Variants in CLK3 observed in about 807,000 individuals in gnomAD.
CLK3 encodes CDC like kinase 3.
A neutral mutation model predicts 65.2 loss-of-function variants in CLK3; 24 were observed. That is an observed-to-expected ratio of 0.37 (90% CI 0.27 to 0.52). CLK3 has a LOEUF of 0.52. CLK3 is among the 20% of genes least tolerant of loss of function. The pLI is 0.92. For missense variants in CLK3, 506 were observed against 660.0 expected (o/e 0.77, Z 2.56); for synonymous variants, 252 against 240.8 (o/e 1.05, Z -0.43).
At chr15:74,619,951 TCTTG>T in intron 2 of CLK3, 54 bp from the exon 3 acceptor site, 1 of 1,610,268 alleles carries the variant, frequency 6.2e-7, no homozygotes, top group Middle Eastern at 1.7e-4. Flanking sequence ...ACCACAGGTC[TCTTG>T]CTTGCTAACA....
chr15:74,613,770 T>C (rs1292199745), upstream of CLK3, among the ~76,000 whole-genome samples: 1 of 151,986 alleles, frequency 6.6e-6, no homozygotes. Context: ...CCTGGAGCCA[T>C]GGAAACTCAG....
Position 74,629,709 on chromosome 15 carries a change from T to C in CLK3, c.1299T>C (p.Ser433=), listed in dbSNP as rs540062345. The C allele has an allele frequency of 1.2e-6, 2 of 1,609,876 alleles. No individual in the cohort carries two copies. The highest frequency in any genetic ancestry group is 2.2e-5 in the East Asian group (1 of 44,814). Residue 433 remains serine (S), a splice_region_variant and synonymous_variant, in exon 13 of 13, where the codon AGT becomes AGC. Coordinates refer to ENST00000395066, the MANE Select transcript of CLK3 (RefSeq NM_001130028.2). ...AGGCACCTTGTGTCCCTGAGCAGAG[T>C]TACATGCTCCAAGACTCCCTGGAGC... ...YVKENCKPLK[S]YMLQDSLEHV...
chr15:74,629,762 G>T lies in CLK3; in HGVS notation c.1352G>T (p.Arg451Met). 6.2e-7 allele frequency: 1 copy of T among 1,613,680 alleles called. No individual in the cohort carries two copies. The highest frequency in any genetic ancestry group is 8.5e-7 in the Non-Finnish European group (1 of 1,179,770). The change falls in exon 13 of 13, where the codon AGG becomes ATG. Residue 451 changes from arginine to methionine, a missense_variant. Physicochemically the swap from Arg to Met is moderately conservative, Grantham distance 91. Coordinates refer to ENST00000395066, the MANE Select transcript of CLK3 (RefSeq NM_001130028.2). ...GTGCAGCTGTTTGACCTGATGAGGAGGATGTTAGAATTTGACCCTGCCCAG... is the reference window on the plus strand; with the variant it reads ...GTGCAGCTGTTTGACCTGATGAGGATGATGTTAGAATTTGACCCTGCCCAG... ...EHVQLFDLMR[R>M]MLEFDPAQRI...
Position 74,627,421 on chromosome 15 carries a change from T to G in CLK3, c.887T>G (p.Phe296Cys), listed in dbSNP as rs1164045483. ...AACATCCTGTTTGTGAATTCTGAGT[T>G]TGAAACCCTCTACAATGAGCACAAG... ...PENILFVNSE[F>C]ETLYNEHKSC... The change falls in exon 8 of 13, where the codon TTT (phenylalanine) becomes TGT (cysteine). Residue 296 changes from phenylalanine (F) to cysteine (C), a missense_variant. By Grantham distance (205) the Phe-to-Cys change is radical (BLOSUM62 -2). This residue lies in a region of CLK3 where 325 missense variants were observed against 500.5 expected (regional missense o/e 0.65). Transcript: ENST00000395066. This position sits in a 1 kb window ranked among gnomAD's most constrained non-coding sequence, Gnocchi z 4.3. The G allele has an allele frequency of 1.2e-6, 2 of 1,614,078 alleles. No homozygotes were observed. Among genetic ancestry groups the G allele is most frequent in the Admixed American group, 1.7e-5 (1 of 60,000 alleles).
At chr15:74,628,825 C>T (rs2062166156) in intron 11 of CLK3, 117 bp from the exon 12 acceptor site, 2 of 984,474 alleles carry the variant, frequency 2.0e-6, no homozygotes, top group South Asian at 1.5e-5. Context: ...CCTGTGTGCC[C>T]CTGCAGACCT....
intron 11 of CLK3, 51 bp from the exon 12 acceptor site, chr15:74,628,891 G>A (rs1421819994): frequency 4.4e-6 from 6 of 1,357,596 alleles, no homozygotes; most frequent in Non-Finnish European, 6.3e-6. Context: ...TCCCACCAGA[G>A]GCTTGTCCCC....
rs1474782450 is a variant in CLK3 at position 74,620,033 on chromosome 15, G to A, written c.177G>A (p.Arg59=). The change falls in exon 3 of 13, where the codon AGG becomes AGA. Residue 59 remains arginine, a synonymous_variant. Transcript: ENST00000395066. The part of the protein sequence containing the change: ...SRSHDRLPYQ[R]RYRERRDSDT... The stretch of plus-strand genomic sequence containing the variant: ...GCCATGACCGCCTGCCCTACCAGAG[G>A]AGGTACCGGGAGCGCCGTGACAGCG... The A allele has an allele frequency of 1.2e-6, 2 of 1,614,178 alleles. No homozygotes were observed. The highest frequency in any genetic ancestry group is 1.7e-6 in the Non-Finnish European group (2 of 1,180,034).
upstream of CLK3, chr15:74,613,464 A>G (rs1479796868): frequency 6.6e-6 from 1 of 152,254 alleles, no homozygotes; most frequent in African/African-American, 2.4e-5. Flanking sequence ...GAAAGTCACA[A>G]AAGAATGAAG....
intron 12 of CLK3, chr15:74,629,269 C>G (rs1272350892): frequency 1.6e-6 from 1 of 616,828 alleles, no homozygotes; most frequent in Non-Finnish European, 2.9e-6. Context: ...TGGGGAACAC[C>G]AGAAGAGCCA....
rs745555763 is a variant in CLK3, at chr15:74,629,156, C to T, written c.1296+124C>T. 34 of 797,348 alleles carry T rather than the reference C, an allele frequency of 4.3e-5. 1 individual carries two copies. The highest frequency in any genetic ancestry group is 3.8e-4 in the South Asian group (27 of 70,756). The allele number at this position is 797,348 out of a possible 1,614,324, so 49.4% of individuals were successfully genotyped here. ...CTCCTTGATCCAGCTCTATGGGAGG[C>T]GGCACCCAAGACTGCTGGGTGCTGG... On this transcript the variant is annotated intron_variant, in intron 12 of 12. Transcript: ENST00000395066.
At position 74,621,559 on chromosome 15, in the gene CLK3, A is replaced by G. The variant is rs2062103715; in HGVS notation, c.370-561A>G. On this transcript the variant is annotated intron_variant, in intron 3 of 12. Transcript: ENST00000395066. The surrounding 1 kb of genome is among the most constrained non-coding windows in gnomAD (Gnocchi z 4.8). ...GAGTGGCAGCTGTCAGGCATGTGCA[A>G]GTCTGCGTGGGCGAACAGAGGCAGG... is the stretch of plus-strand genomic sequence containing the variant. The G allele has an allele frequency of 1.0e-5, 2 of 191,338 alleles. No individual in the cohort carries two copies. Among genetic ancestry groups the G allele is most frequent in the South Asian group, 9.0e-5 (1 of 11,142 alleles). The allele number at this position is 191,338 out of a possible 1,614,324, so 11.9% of individuals were successfully genotyped here.
At chr15:74,618,976 G>A (rs895808942) in intron 1 of CLK3, 9 of 517,532 alleles carry the variant, frequency 1.7e-5, no homozygotes, top group South Asian at 8.6e-5. Context: ...GCTCTGCTGG[G>A]AGCTGTTTGT....
In CLK3 at chr15:74,624,531, CAG is replaced by C; in HGVS notation, c.534-370_534-369del. ...CGCCGCAGGAGGGTTCTCGGTGGGACAGCCTGGCCAGGGTTGGGGCTGCCTGG... is the reference window on the plus strand; with the variant it reads ...CGCCGCAGGAGGGTTCTCGGTGGGACCCTGGCCAGGGTTGGGGCTGCCTGG... On this transcript the variant is annotated intron_variant, in intron 5 of 12. Transcript: ENST00000395066. The surrounding 1 kb of genome is among the most constrained non-coding windows in gnomAD (Gnocchi z 4.2). 1 of 186,752 alleles carries C rather than the reference CAG, an allele frequency of 5.4e-6. No individual in the cohort carries two copies. The highest frequency in any genetic ancestry group is 1.1e-5 in the Non-Finnish European group (1 of 92,654). The allele number at this position is 186,752 out of a possible 1,614,324, so 11.6% of individuals were successfully genotyped here.
At chr15:74,610,110 G>A (rs770249720) in intron 1 of CLK3, among the ~76,000 whole-genome samples, 2 of 152,258 alleles carry the variant, frequency 1.3e-5, no homozygotes, top group African/African-American at 2.4e-5. Flanking sequence ...GGGCCAGTGC[G>A]CAGGGCCTGC....
chr15:74,619,414 A>G, intron 2 of CLK3, 66 bp downstream of exon 2: 2 of 1,552,892 alleles, frequency 1.3e-6, no homozygotes, highest in Non-Finnish European at 1.8e-6. Flanking sequence ...TGGCAGCTCC[A>G]GACTCCTTGA....
At position 74,624,078 on chromosome 15, in the gene CLK3, T is replaced by C. The variant is rs554626656; in HGVS notation, c.534-824T>C. ...GGCCTGTGAGCCTTAGGCACCACAGTCAGCCTCCCTGAGGCCTCAGAGGAC... is the reference window on the plus strand; with the variant it reads ...GGCCTGTGAGCCTTAGGCACCACAGCCAGCCTCCCTGAGGCCTCAGAGGAC... On this transcript the variant is annotated intron_variant, in intron 5 of 12. Transcript: ENST00000395066. The surrounding 1 kb of genome is among the most constrained non-coding windows in gnomAD (Gnocchi z 4.2). 1 of 152,330 alleles carries C rather than the reference T, an allele frequency of 6.6e-6. No homozygotes were observed. Among genetic ancestry groups the C allele is most frequent in the South Asian group, 2.1e-4 (1 of 4,828 alleles). 9.4% of individuals were successfully genotyped at this position (152,330 alleles called of 1,614,324 possible).
At position 74,627,413 on chromosome 15, in the gene CLK3, T is replaced by C. The variant is rs747825361; in HGVS notation, c.879T>C (p.Asn293=). ...DLKPENILFV[N]SEFETLYNEH... The stretch of plus-strand genomic sequence containing the variant: ...AACCAGAGAACATCCTGTTTGTGAA[T>C]TCTGAGTTTGAAACCCTCTACAATG... The change falls in exon 8 of 13, where the codon AAT becomes AAC. Residue 293 remains asparagine (N), a synonymous_variant. Coordinates refer to ENST00000395066, the MANE Select transcript of CLK3 (RefSeq NM_001130028.2). This position sits in a 1 kb window ranked among gnomAD's most constrained non-coding sequence, Gnocchi z 4.3. The C allele has an allele frequency of 1.1e-5, 17 of 1,614,188 alleles. No homozygotes were observed. Among genetic ancestry groups the C allele is most frequent in the Admixed American group, 1.7e-5 (1 of 60,026 alleles).
At position 74,629,845 on chromosome 15, in the gene CLK3, G is replaced by A. The variant is rs2062179291; in HGVS notation, c.1435G>A (p.Glu479Lys). 1.2e-6 allele frequency: 2 copies of A among 1,610,084 alleles called. No individual in the cohort carries two copies. The highest frequency in any genetic ancestry group is 2.2e-5 in the East Asian group (1 of 44,604). Residue 479 changes from glutamate to lysine, a missense_variant, in exon 13 of 13, where the codon GAG becomes AAG. This residue lies in a region of CLK3 where 325 missense variants were observed against 500.5 expected (regional missense o/e 0.65). Transcript: ENST00000395066. ...HPFFAGLTPE[E>K]RSFHTSRNPS... Reference sequence around the variant, plus strand: ...CTTCTTTGCTGGCCTGACCCCTGAGGAGCGGTCCTTCCACACCAGCCGCAA... The same window carrying A: ...CTTCTTTGCTGGCCTGACCCCTGAGAAGCGGTCCTTCCACACCAGCCGCAA...
rs377532088 is a variant in CLK3 at position 74,620,115 on chromosome 15, T to G, written c.259T>G (p.Ser87Ala). 6.2e-7 allele frequency: 1 copy of G among 1,614,164 alleles called. No individual in the cohort carries two copies. ...PSFGEDYYGP[S>A]RSRHRRRSRE... ...CTTTGGAGAGGACTACTATGGACCT[T>G]CACGTTCTCGTCATCGTCGGCGATC... Residue 87 changes from serine (S) to alanine (A), a missense_variant, in exon 3 of 13, where the codon TCA (serine) becomes GCA (alanine). Coordinates refer to ENST00000395066, the MANE Select transcript of CLK3 (RefSeq NM_001130028.2).
Sources: gnomAD v4.1 joint callset for allele counts (sites outside exome capture counted in the v4.1 genomes callset) on GRCh38, gnomAD v4.1.1 for gene constraint, gnomAD v4.1.1 regional missense constraint, Gnocchi (gnomAD v3.1) non-coding constraint, MANE v1.5 for transcripts, NCBI Gene and HGNC (gene_info 2026-07-23, HGNC 2026-07-21) for gene names.